Variants in LDLRAD3 observed in about 807,000 individuals in gnomAD.
LDLRAD3 encodes the protein low-density lipoprotein receptor class A domain-containing protein 3.
A neutral mutation model predicts 29.4 loss-of-function variants in LDLRAD3; 20 were observed. That is an observed-to-expected ratio of 0.68 (90% CI 0.48 to 0.99). The LOEUF (loss-of-function observed/expected upper bound fraction) is 0.99. LDLRAD3 is among the 50% of genes least tolerant of loss of function. The pLI is 0.00. For missense variants in LDLRAD3, 420 were observed against 454.3 expected (o/e 0.92, Z 0.69); for synonymous variants, 157 against 192.7 (o/e 0.81, Z 1.53).
chr11:35,957,803 AAAAAAAAAAAAAG>A (rs1325660795), intron 1 of LDLRAD3, among the ~76,000 whole-genome samples: 1 of 145,010 alleles, frequency 6.9e-6, no homozygotes, highest in Non-Finnish European at 1.5e-5. Flanking sequence ...CTCAAAAAAA[AAAAAAAAAAAAAG>A]AAAAGAAAAG....
chr11:35,956,508 G>A (rs1030174916), intron 1 of LDLRAD3, among the ~76,000 whole-genome samples: 2 of 152,160 alleles, frequency 1.3e-5, no homozygotes, highest in Non-Finnish European at 2.9e-5. Context: ...AGTGATACAT[G>A]TGCATATTAA....
At chr11:36,191,624 G>T (rs6484827) in intron 4 of LDLRAD3, among the ~76,000 whole-genome samples, 1 of 54,738 alleles carries the variant, frequency 1.8e-5, no homozygotes, top group Non-Finnish European at 3.7e-5. Context: ...ACACACACAC[G>T]CACGCACGCA....
intron 4 of LDLRAD3, among the ~76,000 whole-genome samples, chr11:36,158,006 A>G (rs924952173): frequency 1.3e-5 from 2 of 152,164 alleles, no homozygotes; most frequent in Non-Finnish European, 2.9e-5. Flanking sequence ...TATATCACAA[A>G]TATACAGATA....
intron 4 of LDLRAD3, among the ~76,000 whole-genome samples, chr11:36,142,566 GAACCCACT>G (rs1854101060): frequency 6.6e-6 from 1 of 152,112 alleles, no homozygotes; most frequent in Non-Finnish European, 1.5e-5. Flanking sequence ...AGTGCATGCT[GAACCCACT>G]GTCTGGTTCC....
chr11:36,229,372 C>T lies in LDLRAD3; in HGVS notation c.1013C>T (p.Pro338Leu), dbSNP rs1392620906. The change falls in exon 6 of 6, where the codon CCC (proline) becomes CTC (leucine). Residue 338 changes from proline (P) to leucine (L), a missense_variant. Physicochemically the swap from Pro to Leu is moderately conservative, Grantham distance 98. Around this residue, in one of 3 missense-constraint regions of LDLRAD3, gnomAD observed 140 missense variants for 139.9 expected, o/e 1.00. Coordinates refer to ENST00000315571, the MANE Select transcript of LDLRAD3 (RefSeq NM_174902.4). ...ACTGCTGAGCCCAGGGACTCTGAGC[C>T]CAGCCAGGGCACTGAAGAAGTATAA... ...EGTAEPRDSE[P>L]SQGTEEV The T allele has an allele frequency of 1.2e-6, 2 of 1,612,580 alleles. No individual in the cohort carries two copies. Among genetic ancestry groups the T allele is most frequent in the African/African-American group, 2.7e-5 (2 of 74,912 alleles).
At chr11:36,163,546 G>A (rs1317341269) in intron 4 of LDLRAD3, 4 of 152,198 alleles carry the variant, frequency 2.6e-5, no homozygotes, top group Admixed American at 2.0e-4. Context: ...CCAACCATAT[G>A]TGGAAATCCT....
At chr11:36,161,325 G>A (rs1357879606) in intron 4 of LDLRAD3, among the ~76,000 whole-genome samples, 2 of 152,142 alleles carry the variant, frequency 1.3e-5, no homozygotes. Flanking sequence ...TTTTCTAAAT[G>A]AGGAAATGGA....
At chr11:36,151,776 G>A (rs1854281687) in intron 4 of LDLRAD3, among the ~76,000 whole-genome samples, 1 of 152,126 alleles carries the variant, frequency 6.6e-6, no homozygotes, top group Non-Finnish European at 1.5e-5. Flanking sequence ...TACCAAGCAG[G>A]CTAGACTTTA....
At chr11:36,205,197 G>C (rs886913293) in intron 4 of LDLRAD3, among the ~76,000 whole-genome samples, 1 of 152,230 alleles carries the variant, frequency 6.6e-6, no homozygotes, top group Non-Finnish European at 1.5e-5. Flanking sequence ...AAGCCATTCT[G>C]TGTTCTCCGT....
intron 1 of LDLRAD3, among the ~76,000 whole-genome samples, chr11:35,969,870 C>T (rs1025417507): frequency 2.6e-5 from 4 of 152,196 alleles, no homozygotes; most frequent in Non-Finnish European, 5.9e-5. Flanking sequence ...ATATTTACTT[C>T]AGTGACATGG....
chr11:35,978,950 A>C (rs2133154765), intron 1 of LDLRAD3, among the ~76,000 whole-genome samples: 1 of 152,312 alleles, frequency 6.6e-6, no homozygotes, highest in South Asian at 2.1e-4. Context: ...TTCCCTTATT[A>C]GTGAATACCA....
intron 1 of LDLRAD3, among the ~76,000 whole-genome samples, chr11:35,975,874 A>G (rs1441526588): frequency 6.8e-6 from 1 of 147,730 alleles, no homozygotes; most frequent in East Asian, 2.0e-4. Flanking sequence ...AGCCAAAAAG[A>G]GTTGTCAGTT....
intron 1 of LDLRAD3, among the ~76,000 whole-genome samples, chr11:35,979,920 CG>C (rs535567917): frequency 1.7e-3 from 254 of 152,230 alleles, no homozygotes; most frequent in African/African-American, 5.8e-3. Flanking sequence ...TTTATCAATG[CG>C]GAGCATCATC....
chr11:36,095,381 T>G (rs981186492), intron 3 of LDLRAD3, among the ~76,000 whole-genome samples: 1 of 152,042 alleles, frequency 6.6e-6, no homozygotes, highest in Non-Finnish European at 1.5e-5. Context: ...CTTTAAGACC[T>G]TGAGTGTGGC....
intron 4 of LDLRAD3, among the ~76,000 whole-genome samples, chr11:36,136,698 C>CTTT (rs112022135): frequency 4.9e-5 from 7 of 143,550 alleles, no homozygotes; most frequent in African/African-American, 1.5e-4. Context: ...AACTAATCCT[C>CTTT]TTTTTTTTTT....
At chr11:36,216,808 A>G (rs1426338617) in intron 4 of LDLRAD3, among the ~76,000 whole-genome samples, 1 of 152,190 alleles carries the variant, frequency 6.6e-6, no homozygotes, top group Admixed American at 6.5e-5. Context: ...CTTCCAGTAT[A>G]TTGATCAGAC....
intron 4 of LDLRAD3, among the ~76,000 whole-genome samples, chr11:36,225,034 C>G (rs1345339705): frequency 6.6e-6 from 1 of 152,070 alleles, no homozygotes; most frequent in Non-Finnish European, 1.5e-5. Flanking sequence ...CTACTATGTG[C>G]CAGGCACCAT....
chr11:35,967,388 C>T (rs1851355315), intron 1 of LDLRAD3: 1 of 237,382 alleles, frequency 4.2e-6, no homozygotes, highest in South Asian at 5.8e-5. Context: ...GTTATGGTGC[C>T]TTGCAGCACT....
chr11:36,089,775 C>CTTTT (rs113433655), intron 3 of LDLRAD3, among the ~76,000 whole-genome samples: 1 of 138,202 alleles, frequency 7.2e-6, no homozygotes, highest in Non-Finnish European at 1.6e-5. Context: ...AATTTTTAAA[C>CTTTT]TTTTTTTTTT....
Sources: allele counts gnomAD v4.1 joint callset (sites outside exome capture counted in the v4.1 genomes callset), GRCh38; gene constraint gnomAD v4.1.1; regional missense constraint gnomAD v4.1.1; transcripts MANE v1.5; gene names NCBI Gene and HGNC (gene_info 2026-07-23, HGNC 2026-07-21).